The following COX7B2 variants were observed in gnomAD, a reference collection of about 807,000 sequenced individuals.
The protein encoded by COX7B2 is cytochrome c oxidase subunit 7B2, also known as cytochrome c oxidase subunit 7B2, mitochondrial.
For synonymous variants in COX7B2, 37 were observed against 32.1 expected (o/e 1.15, Z -0.51); for missense variants, 109 against 95.9 (o/e 1.14, Z -0.57).
At chr4:46,777,687 A>G (rs942788076) in intron 2 of COX7B2, among the ~76,000 whole-genome samples, 3 of 152,188 alleles carry the variant, frequency 2.0e-5, no homozygotes, top group African/African-American at 7.2e-5. Context: ...CTTCAGTTTA[A>G]GAAATGCATA....
chr4:46,875,085 G>GAACA (rs1718240509), intron 1 of COX7B2, among the ~76,000 whole-genome samples: 1 of 152,062 alleles, frequency 6.6e-6, no homozygotes, highest in African/African-American at 2.4e-5. Context: ...CTGCCTGTTG[G>GAACA]TAACTGCTAC....
chr4:46,790,532 A>G (rs1284108073), intron 2 of COX7B2, among the ~76,000 whole-genome samples: 3 of 152,188 alleles, frequency 2.0e-5, no homozygotes, highest in Non-Finnish European at 4.4e-5. Context: ...TGTCACTGCC[A>G]CTATCCCAAT....
At chr4:46,804,280 G>A (rs972508381) in intron 2 of COX7B2, among the ~76,000 whole-genome samples, 28 of 152,296 alleles carry the variant, frequency 1.8e-4, no homozygotes, top group African/African-American at 2.6e-4. Flanking sequence ...CGCAAAGAGC[G>A]AAAGAACGAA....
chr4:46,800,503 A>G (rs190196480), intron 2 of COX7B2, among the ~76,000 whole-genome samples: 1 of 152,260 alleles, frequency 6.6e-6, no homozygotes, highest in Non-Finnish European at 1.5e-5. Context: ...AACAATGCAG[A>G]AAGGGCACCC....
At chr4:46,850,203 A>C (rs969481513) in intron 1 of COX7B2, among the ~76,000 whole-genome samples, 7 of 148,796 alleles carry the variant, frequency 4.7e-5, no homozygotes, top group Non-Finnish European at 8.9e-5. Flanking sequence ...ATTTTAAATA[A>C]TTTAAATGAT....
intron 1 of COX7B2, among the ~76,000 whole-genome samples, chr4:46,893,864 C>A (rs375094640): frequency 1.3e-5 from 2 of 151,996 alleles, no homozygotes; most frequent in South Asian, 4.1e-4. Context: ...ATCTTATATA[C>A]CAACAACAGC....
intron 2 of COX7B2, among the ~76,000 whole-genome samples, chr4:46,830,417 A>G (rs879462123): frequency 3.9e-5 from 6 of 152,120 alleles, no homozygotes; most frequent in Admixed American, 3.9e-4. Context: ...GGAAAGTATT[A>G]TACTCCATTG....
At chr4:46,897,446 T>C (rs139105097) in intron 1 of COX7B2, among the ~76,000 whole-genome samples, 4 of 152,334 alleles carry the variant, frequency 2.6e-5, no homozygotes, top group Non-Finnish European at 4.4e-5. Flanking sequence ...AAAAGTTGTG[T>C]CTCTCTGAGT....
At chr4:46,843,058 C>A (rs1249448051) in intron 2 of COX7B2, among the ~76,000 whole-genome samples, 1 of 152,016 alleles carries the variant, frequency 6.6e-6, no homozygotes, top group African/African-American at 2.4e-5. Flanking sequence ...TCCTCTCCAG[C>A]ACCTGTTGTT....
At chr4:46,876,120 T>C (rs1263773237) in intron 1 of COX7B2, among the ~76,000 whole-genome samples, 1 of 152,144 alleles carries the variant, frequency 6.6e-6, no homozygotes, top group Non-Finnish European at 1.5e-5. Flanking sequence ...ATCTTATGGA[T>C]GCAAAGTAAA....
intron 2 of COX7B2, among the ~76,000 whole-genome samples, chr4:46,763,536 A>C (rs1445313817): frequency 6.6e-6 from 1 of 151,840 alleles, no homozygotes; most frequent in Non-Finnish European, 1.5e-5. Context: ...ATTTCTATTA[A>C]GTTCATGCAC....
intron 2 of COX7B2, among the ~76,000 whole-genome samples, chr4:46,809,426 T>C (rs1222739616): frequency 1.3e-5 from 2 of 151,872 alleles, no homozygotes; most frequent in Non-Finnish European, 3.0e-5. Context: ...AACTTTCCTC[T>C]AAAACTGCTT....
chr4:46,792,552 G>C (rs888245821), intron 2 of COX7B2, among the ~76,000 whole-genome samples: 8 of 152,196 alleles, frequency 5.3e-5, no homozygotes, highest in African/African-American at 1.9e-4. Context: ...CCCCGGGACT[G>C]AGGCTTACAC....
At chr4:46,814,784 G>C (rs1266241597) in intron 2 of COX7B2, among the ~76,000 whole-genome samples, 1 of 152,098 alleles carries the variant, frequency 6.6e-6, no homozygotes, top group African/African-American at 2.4e-5. Context: ...ATTTACAGTA[G>C]TCATTTTTAA....
chr4:46,850,705 C>T (rs1459876780), intron 1 of COX7B2, among the ~76,000 whole-genome samples: 5 of 151,960 alleles, frequency 3.3e-5, no homozygotes, highest in South Asian at 2.1e-4. Context: ...ATTATATAAG[C>T]GACAGCAAAC....
At chr4:46,767,731 C>T (rs1254186852) in intron 2 of COX7B2, among the ~76,000 whole-genome samples, 2 of 152,138 alleles carry the variant, frequency 1.3e-5, no homozygotes, top group Admixed American at 1.3e-4. Context: ...GAAAATAAAA[C>T]ATACTCCTCA....
chr4:46,804,889 C>T (rs534057314), intron 2 of COX7B2, among the ~76,000 whole-genome samples: 17 of 152,278 alleles, frequency 1.1e-4, no homozygotes, highest in East Asian at 5.8e-4. Flanking sequence ...GGGCTGTGCA[C>T]GTCGGGGAGG....
At chr4:46,799,951 A>T (rs1235760875) in intron 2 of COX7B2, among the ~76,000 whole-genome samples, 3 of 152,106 alleles carry the variant, frequency 2.0e-5, no homozygotes, top group African/African-American at 4.8e-5. Flanking sequence ...CATCTGGTGG[A>T]ATTTGGCTGT....
At chr4:46,822,307 A>G (rs1714355052) in intron 2 of COX7B2, among the ~76,000 whole-genome samples, 1 of 152,190 alleles carries the variant, frequency 6.6e-6, no homozygotes, top group Non-Finnish European at 1.5e-5. Flanking sequence ...ACATGGCGTA[A>G]GCCTCAAAAG....
Sources: gnomAD v4.1 joint callset for allele counts (sites outside exome capture counted in the v4.1 genomes callset) on GRCh38, gnomAD v4.1.1 for gene constraint, MANE v1.5 for transcripts, NCBI Gene and HGNC (gene_info 2026-07-23, HGNC 2026-07-21) for gene names.